Variants in DSCAM observed in about 807,000 individuals in gnomAD.
DSCAM encodes the protein cell adhesion molecule DSCAM.
Under a neutral mutation model 217.7 loss-of-function variants are expected in DSCAM, and 47 were observed. The ratio of observed to expected loss-of-function variants is 0.22; its 90% CI spans 0.17 to 0.28. The LOEUF (loss-of-function observed/expected upper bound fraction) is 0.28, where lower values mean the gene tolerates loss of function less well. Among genes scored for constraint, DSCAM ranks in the 10% least tolerant of loss-of-function variants. DSCAM has a pLI of 1.00. For synonymous variants in DSCAM, 1,056 were observed against 1,015.3 expected (o/e 1.04, Z -0.76); for missense variants, 2,080 against 2,618.3 (o/e 0.79, Z 4.49).
intron 32 of DSCAM, among the ~76,000 whole-genome samples, chr21:40,039,828 A>T (rs1019335398): frequency 2.0e-4 from 30 of 152,292 alleles, no homozygotes; most frequent in African/African-American, 6.7e-4. Flanking sequence ...AGAAAAAATA[A>T]AAAGGGAAAG....
At chr21:40,275,171 A>T (rs10222148) in intron 11 of DSCAM, among the ~76,000 whole-genome samples, 49,695 of 145,130 alleles carry the variant, frequency 0.34, 8,265 homozygotes, top group South Asian at 0.38. Context: ...ATAAAAAATT[A>T]AAAAAAAAAA....
intron 5 of DSCAM, among the ~76,000 whole-genome samples, chr21:40,353,242 G>T (rs548265303): frequency 1.3e-5 from 2 of 152,304 alleles, no homozygotes. Flanking sequence ...GGATCAGAAA[G>T]ATTTCAAATC....
At chr21:40,341,215 C>T (rs1161207886) in intron 6 of DSCAM, among the ~76,000 whole-genome samples, 1 of 152,200 alleles carries the variant, frequency 6.6e-6, no homozygotes, top group East Asian at 1.9e-4. Flanking sequence ...GACGTTGCCT[C>T]ATCACATCCT....
intron 3 of DSCAM, among the ~76,000 whole-genome samples, chr21:40,605,350 GAA>G (rs2089218798): frequency 6.6e-6 from 1 of 152,126 alleles, no homozygotes; most frequent in Non-Finnish European, 1.5e-5. Context: ...GATGAATCCA[GAA>G]AAGTCATAGA....
intron 11 of DSCAM, among the ~76,000 whole-genome samples, chr21:40,267,136 A>G (rs1337918609): frequency 6.6e-6 from 1 of 152,010 alleles, no homozygotes; most frequent in African/African-American, 2.4e-5. Context: ...TAAACAATTC[A>G]TCTATGTCAT....
At chr21:40,653,992 G>A (rs1277589084) in intron 3 of DSCAM, among the ~76,000 whole-genome samples, 1 of 151,898 alleles carries the variant, frequency 6.6e-6, no homozygotes, top group African/African-American at 2.4e-5. Flanking sequence ...CTACTCGGGA[G>A]GCTAAGGGAG....
chr21:40,452,445 A>G (rs949686722), intron 3 of DSCAM, among the ~76,000 whole-genome samples: 3 of 152,096 alleles, frequency 2.0e-5, no homozygotes, highest in Non-Finnish European at 4.4e-5. Flanking sequence ...TTAAGAAGTT[A>G]AAGAGTGATA....
At chr21:40,356,596 T>C (rs2123659317) in intron 4 of DSCAM, among the ~76,000 whole-genome samples, 1 of 152,268 alleles carries the variant, frequency 6.6e-6, no homozygotes, top group Admixed American at 6.5e-5. Context: ...TTTCCTTTGC[T>C]TCTTTACATC....
In DSCAM at chr21:40,502,539, T is replaced by G. The variant is rs1332152484; in HGVS notation, c.509-133294A>C. Reference sequence around the variant, plus strand: ...TCAAGGGGAGAATCTATTTTCTTATTTTTTCCAATGTCTAGAGGCTGCCCA... The same window carrying G: ...TCAAGGGGAGAATCTATTTTCTTATGTTTTCCAATGTCTAGAGGCTGCCCA... On this transcript the variant is annotated intron_variant, in intron 3 of 32. Transcript: ENST00000400454. Among the ~76,000 whole-genome samples, 3 of 152,190 alleles carry G rather than the reference T, an allele frequency of 2.0e-5. No homozygotes were observed. In the South Asian group the frequency reaches 6.2e-4, roughly 31 times the overall value.
chr21:40,657,688 C>T (rs369270953), intron 3 of DSCAM, among the ~76,000 whole-genome samples: 3 of 152,216 alleles, frequency 2.0e-5, no homozygotes, highest in South Asian at 2.1e-4. Flanking sequence ...GGGAGTACCC[C>T]GCAGGAGTAC....
At chr21:40,245,612 G>C (rs940682632) in intron 11 of DSCAM, among the ~76,000 whole-genome samples, 1 of 152,218 alleles carries the variant, frequency 6.6e-6, no homozygotes, top group African/African-American at 2.4e-5. Flanking sequence ...TTTCAGGGTT[G>C]GTGCTGGCAG....
At chr21:40,532,245 A>C (rs2076452729) in intron 3 of DSCAM, among the ~76,000 whole-genome samples, 1 of 150,472 alleles carries the variant, frequency 6.6e-6, no homozygotes, top group Admixed American at 6.7e-5. Flanking sequence ...CAAAAAAAGA[A>C]CAATGAATCT....
intron 3 of DSCAM, among the ~76,000 whole-genome samples, chr21:40,456,904 T>C (rs2075768410): frequency 6.6e-6 from 1 of 152,182 alleles, no homozygotes; most frequent in African/African-American, 2.4e-5. Flanking sequence ...CTCTCCACAT[T>C]TATTCTATTT....
chr21:40,342,650 T>A (rs9976105), intron 6 of DSCAM, among the ~76,000 whole-genome samples: 1,414 of 43,890 alleles, frequency 0.032, 20 homozygotes, highest in African/African-American at 0.078. Flanking sequence ...ATATATATAT[T>A]TTTTTTTTTT....
chr21:40,625,360 G>A (rs1377646944), intron 3 of DSCAM, among the ~76,000 whole-genome samples: 1 of 152,144 alleles, frequency 6.6e-6, no homozygotes, highest in Admixed American at 6.5e-5. Flanking sequence ...AAATTCTCCA[G>A]AAACCAGCTA....
At chr21:40,626,365 C>A (rs2089601117) in intron 3 of DSCAM, among the ~76,000 whole-genome samples, 2 of 152,254 alleles carry the variant, frequency 1.3e-5, no homozygotes, top group South Asian at 4.2e-4. Context: ...CCTGAAATAA[C>A]CCCCATCTGA....
rs898368628 is a variant in DSCAM at position 40,189,181 on chromosome 21, T to C, written c.2414A>G (p.Lys805Arg). 1.9e-6 allele frequency: 3 copies of C among 1,612,432 alleles called. No individual in the cohort carries two copies. The African/African-American group carries it at 4.0e-5, about 22-fold the overall frequency. Reference protein sequence around the residue: ...NTTLATQGQKKEMSCTAHGEK... With the variant: ...NTTLATQGQKREMSCTAHGEK... ...ACCATGCGCCGTGCAGCTCATCTCCTTTTTCTGCCCCTGCGTGGCCAGGGT... is the reference window on the plus strand; with the variant it reads ...ACCATGCGCCGTGCAGCTCATCTCCCTTTTCTGCCCCTGCGTGGCCAGGGT... The change falls in exon 12 of 33, where the codon AAG (lysine) becomes AGG (arginine). Residue 805 changes from lysine (K) to arginine (R), a missense_variant. Physicochemically the swap from Lys to Arg is conservative, Grantham distance 26. This residue lies in a region of DSCAM where 1,144 missense variants were observed against 1,421.1 expected (regional missense o/e 0.81). Coordinates refer to ENST00000400454, the MANE Select transcript of DSCAM (RefSeq NM_001389.5).
chr21:40,058,099 C>T lies in DSCAM; in HGVS notation c.4920-2259G>A, dbSNP rs566927563. On this transcript the variant is annotated intron_variant, in intron 28 of 32. Coordinates refer to ENST00000400454, the MANE Select transcript of DSCAM (RefSeq NM_001389.5). ...CTGTTAGCCAGAATGGTCTCAATCTCCTGACCTCGTGATCCACCCGCCTCA... is the reference window on the plus strand; with the variant it reads ...CTGTTAGCCAGAATGGTCTCAATCTTCTGACCTCGTGATCCACCCGCCTCA... 4.6e-5 allele frequency among the ~76,000 whole-genome samples: 7 copies of T among 152,072 alleles called. No homozygotes were observed. In the South Asian group the frequency reaches 1.0e-3, roughly 23 times the overall value.
chr21:40,435,014 C>T (rs1010564834), intron 3 of DSCAM, among the ~76,000 whole-genome samples: 5 of 152,202 alleles, frequency 3.3e-5, no homozygotes, highest in Non-Finnish European at 1.5e-5. Flanking sequence ...ACATTGTCCC[C>T]AACAAGTGCT....
Sources: gnomAD v4.1 joint callset for allele counts (sites outside exome capture counted in the v4.1 genomes callset) on GRCh38, gnomAD v4.1.1 for gene constraint, gnomAD v4.1.1 regional missense constraint, MANE v1.5 for transcripts, NCBI Gene and HGNC (gene_info 2026-07-23, HGNC 2026-07-21) for gene names.